The following IKZF4 variants were observed in gnomAD, a reference collection of about 807,000 sequenced individuals.
IKZF4 encodes zinc finger protein Eos.
In IKZF4, 11 loss-of-function variants were observed where a neutral mutation model predicts 47.7. That is an observed-to-expected ratio of 0.23 (90% CI 0.15 to 0.38). IKZF4 has a LOEUF of 0.38. IKZF4 is among the 10% of genes least tolerant of loss of function. The probability of loss-of-function intolerance (pLI) is 1.00; values close to 1 mark genes in which losing one functional copy is unlikely to be tolerated. For missense variants in IKZF4, 557 were observed against 784.9 expected (o/e 0.71, Z 3.47); for synonymous variants, 298 against 299.4 (o/e 1.00, Z 0.05).
chr12:56,033,228 A>T lies in IKZF4; in HGVS notation c.904A>T (p.Met302Leu), dbSNP rs1895150944. ...TGACCTGGAGATGGTGCCAGACTCC[A>T]TGCTGCACTCATCCTCTGAGCGGCC... is the stretch of plus-strand genomic sequence containing the variant. ...IRDLEMVPDS[M>L]LHSSSERPTF... The change falls in exon 7 of 8, where the codon ATG (methionine) becomes TTG (leucine). Residue 302 changes from methionine to leucine, a missense_variant. Around this residue, in one of 6 missense-constraint regions of IKZF4, gnomAD observed 72 missense variants for 112.4 expected, o/e 0.64. Transcript: ENST00000547167. The T allele has an allele frequency of 6.2e-7, 1 of 1,613,850 alleles. No individual in the cohort carries two copies. The highest frequency in any genetic ancestry group is 1.7e-5 in the Admixed American group (1 of 60,006).
At chr12:56,015,385 C>T (rs549393023) in intron 2 of IKZF4, among the ~76,000 whole-genome samples, 1 of 152,076 alleles carries the variant, frequency 6.6e-6, no homozygotes, top group South Asian at 2.1e-4. Context: ...TCAAGTGGCA[C>T]TTTGAACTTT....
chr12:56,020,839 CT>C (rs1196792273), upstream of IKZF4: 1 of 718,394 alleles, frequency 1.4e-6, no homozygotes, highest in Non-Finnish European at 1.7e-6. Flanking sequence ...AGAGAGCAAC[CT>C]TCCTCCTGGA....
intron 3 of IKZF4, 73 bp from the exon 4 acceptor site, chr12:56,026,708 A>AT: frequency 3.9e-6 from 5 of 1,268,308 alleles, no homozygotes; most frequent in Non-Finnish European, 5.2e-6. Context: ...AAAAAAAAAA[A>AT]GAGTGCCATT....
chr12:56,028,424 T>C (rs1894381302), intron 5 of IKZF4, among the ~76,000 whole-genome samples: 1 of 150,334 alleles, frequency 6.7e-6, no homozygotes, highest in Non-Finnish European at 1.5e-5. Context: ...TCCCAGCTAC[T>C]TGGGAGGCTG....
intron 2 of IKZF4, chr12:56,024,600 GC>G: frequency 1.0e-6 from 1 of 985,772 alleles, no homozygotes; most frequent in Non-Finnish European, 1.2e-6. Flanking sequence ...ATTATTAGCT[GC>G]TATGATGATT....
intron 2 of IKZF4, among the ~76,000 whole-genome samples, chr12:56,015,223 C>T (rs1387320057): frequency 6.6e-6 from 1 of 151,722 alleles, no homozygotes; most frequent in Non-Finnish European, 1.5e-5. Flanking sequence ...ATTACGGGCG[C>T]ACCCCACCAC....
intron 1 of IKZF4, among the ~76,000 whole-genome samples, chr12:56,022,117 T>C (rs568555156): frequency 6.6e-6 from 1 of 152,304 alleles, no homozygotes; most frequent in South Asian, 2.1e-4. Context: ...GCAGTTATGA[T>C]GAGGTGCCTT....
intron 2 of IKZF4, among the ~76,000 whole-genome samples, chr12:56,012,580 CTT>C (rs60809792): frequency 1.3e-4 from 19 of 144,024 alleles, no homozygotes; most frequent in Non-Finnish European, 1.5e-4. Flanking sequence ...GCCTAAATTA[CTT>C]TTTTTTTTTT....
intron 1 of IKZF4, among the ~76,000 whole-genome samples, chr12:56,022,306 G>A (rs551463439): frequency 1.3e-5 from 2 of 152,302 alleles, no homozygotes; most frequent in Admixed American, 6.5e-5. Context: ...CTGCTTTTCA[G>A]CCTTTACCTA....
intron 3 of IKZF4, among the ~76,000 whole-genome samples, chr12:56,026,091 A>G (rs1893934578): frequency 6.6e-6 from 1 of 152,048 alleles, no homozygotes; most frequent in Non-Finnish European, 1.5e-5. Context: ...GTACACCACC[A>G]TGCCCAGCTA....
rs1895642541 is a variant in IKZF4, at chr12:56,036,485, C to T, written c.*1154C>T. On this transcript the variant is annotated 3_prime_UTR_variant, in exon 8 of 8. Coordinates refer to ENST00000547167, the MANE Select transcript of IKZF4 (RefSeq NM_022465.4). ...TCCCTCCCAGCAGGATTCACCCTCT[C>T]ATTCCCGGGCTCCTGGGCCCTGTTC... The T allele has an allele frequency of 6.6e-6, 1 of 152,222 alleles. No homozygotes were observed. The highest frequency in any genetic ancestry group is 6.5e-5 in the Admixed American group (1 of 15,278). 9.4% of individuals were successfully genotyped at this position (152,222 alleles called of 1,614,324 possible).
chr12:56,015,807 T>C (rs1891966526), intron 2 of IKZF4, among the ~76,000 whole-genome samples: 1 of 152,202 alleles, frequency 6.6e-6, no homozygotes, highest in African/African-American at 2.4e-5. Flanking sequence ...TTGATCTCTA[T>C]CTCAAGTTTT....
chr12:56,031,948 G>A (rs984332134), intron 5 of IKZF4, among the ~76,000 whole-genome samples: 2 of 151,936 alleles, frequency 1.3e-5, no homozygotes, highest in Admixed American at 1.3e-4. Context: ...GTATCTCAGC[G>A]TAGAGAGACA....
At chr12:56,032,396 T>G (rs1298592060) in intron 5 of IKZF4, 165 bp from the exon 6 acceptor site, 2 of 646,744 alleles carry the variant, frequency 3.1e-6, no homozygotes, top group Admixed American at 6.1e-5. Flanking sequence ...TGTTCATCTG[T>G]CCGCGGTTGC....
rs574914215 is a variant in IKZF4, at chr12:56,026,266, T to C, written c.287-515T>C. Among the ~76,000 whole-genome samples, 19 of 151,904 alleles carry C rather than the reference T, an allele frequency of 1.3e-4. No homozygotes were observed. In the South Asian group the frequency reaches 4.0e-3, roughly 32 times the overall value. On this transcript the variant is annotated intron_variant, in intron 3 of 7. Transcript: ENST00000547167. ...TTTTTTCTCTTGAAGCCTATTTGCC[T>C]GGTGGGTGGGAGAAAAGGTTGTCTC...
intron 1 of IKZF4, among the ~76,000 whole-genome samples, chr12:56,008,907 C>G (rs1403174323): frequency 1.3e-5 from 2 of 151,928 alleles, no homozygotes; most frequent in African/African-American, 4.8e-5. Flanking sequence ...GAACTCCTGA[C>G]CTCAGGTGAT....
chr12:56,032,846 C>A, intron 6 of IKZF4, 136 bp downstream of exon 6: 1 of 1,065,224 alleles, frequency 9.4e-7, no homozygotes, highest in Non-Finnish European at 1.4e-6. Flanking sequence ...GTAAATCTGC[C>A]AAACACCCCA....
chr12:56,010,499 T>C (rs1231955598), intron 1 of IKZF4: 3 of 152,104 alleles, frequency 2.0e-5, no homozygotes, highest in Non-Finnish European at 1.5e-5. Context: ...AAAAGAGACA[T>C]AGGAGGAAGA....
At chr12:56,018,969 G>A (rs1259654350), upstream of IKZF4, among the ~76,000 whole-genome samples, 2 of 151,946 alleles carry the variant, frequency 1.3e-5, no homozygotes, top group Non-Finnish European at 2.9e-5. Context: ...TGTAATCCCA[G>A]CACTTTGGGA....
Sources: allele counts gnomAD v4.1 joint callset (sites outside exome capture counted in the v4.1 genomes callset), GRCh38; gene constraint gnomAD v4.1.1; regional missense constraint gnomAD v4.1.1; transcripts MANE v1.5; gene names NCBI Gene and HGNC (gene_info 2026-07-23, HGNC 2026-07-21).